The following SEMA5A variants were observed in gnomAD, a reference collection of about 807,000 sequenced individuals.
SEMA5A encodes semaphorin 5A, also known as semaphorin-5A.
Under a neutral mutation model 135.5 loss-of-function variants are expected in SEMA5A, and 55 were observed. The observed-to-expected ratio is 0.41, with a 90% CI of 0.33 to 0.51. SEMA5A has a LOEUF of 0.51. Ranked by LOEUF, SEMA5A falls within the 20% of genes least tolerant of loss-of-function variation. The pLI, the probability that SEMA5A is intolerant of heterozygous loss-of-function variation, is 0.37. For missense variants in SEMA5A, 1,290 were observed against 1,419.9 expected (o/e 0.91, Z 1.47); for synonymous variants, 580 against 546.5 (o/e 1.06, Z -0.85).
chr5:9,086,127 A>C (rs1391655142), intron 16 of SEMA5A, among the ~76,000 whole-genome samples: 1 of 152,224 alleles, frequency 6.6e-6, no homozygotes, highest in African/African-American at 2.4e-5. Context: ...TTACACCCTC[A>C]TAGGCAGAAG....
intron 5 of SEMA5A, among the ~76,000 whole-genome samples, chr5:9,287,144 G>A (rs1448830017): frequency 6.6e-6 from 1 of 152,166 alleles, no homozygotes; most frequent in African/African-American, 2.4e-5. Flanking sequence ...ATAGGCAAGT[G>A]TGCACTTGAG....
intron 2 of SEMA5A, among the ~76,000 whole-genome samples, chr5:9,437,547 G>T (rs2126671658): frequency 6.6e-6 from 1 of 152,072 alleles, no homozygotes; most frequent in Admixed American, 6.5e-5. Flanking sequence ...AGTAGAGATA[G>T]AATTTCACCA....
At chr5:9,443,970 C>G (rs114943705) in intron 1 of SEMA5A, among the ~76,000 whole-genome samples, 4 of 152,346 alleles carry the variant, frequency 2.6e-5, no homozygotes, top group African/African-American at 7.2e-5. Flanking sequence ...CCGCATACCC[C>G]ACCCCTTCTC....
intron 4 of SEMA5A, among the ~76,000 whole-genome samples, chr5:9,321,104 T>G (rs1752610458): frequency 6.6e-6 from 1 of 152,150 alleles, no homozygotes; most frequent in African/African-American, 2.4e-5. Context: ...TGAGATCTGA[T>G]GGTTTTATAA....
chr5:9,063,204 TA>T, intron 17 of SEMA5A, 99 bp from the exon 18 acceptor site: 5 of 1,179,454 alleles, frequency 4.2e-6, no homozygotes, highest in Non-Finnish European at 6.1e-6. Context: ...GCCTTATTTC[TA>T]GAACTACCCT....
chr5:9,401,059 A>G (rs1233855784), intron 2 of SEMA5A, among the ~76,000 whole-genome samples: 2 of 152,260 alleles, frequency 1.3e-5, no homozygotes, highest in Admixed American at 6.5e-5. Flanking sequence ...GACTAGGTAC[A>G]CATTTCTTCA....
chr5:9,154,056 AAAAAAAATATATAT>A lies in SEMA5A; in HGVS notation c.1481+418_1481+431del, dbSNP rs1287798055. Among the ~76,000 whole-genome samples the A allele has an allele frequency of 1.6e-4, 8 of 49,952 alleles. No homozygotes were observed. The East Asian group carries it at 3.1e-3, about 19-fold the overall frequency. 32.8% of individuals were successfully genotyped at this position (49,952 alleles called of 152,430 possible). ...GTGAGACTGTGTCTCAAAAAAAAAA[AAAAAAAATATATAT>A]ATATATATATATATATATATATATG... On this transcript the variant is annotated intron_variant, in intron 12 of 22. Coordinates refer to ENST00000382496, the MANE Select transcript of SEMA5A (RefSeq NM_003966.3).
chr5:9,175,873 G>A (rs1037929172), intron 11 of SEMA5A, among the ~76,000 whole-genome samples: 1 of 152,136 alleles, frequency 6.6e-6, no homozygotes, highest in Non-Finnish European at 1.5e-5. Context: ...GTTTTTGGGG[G>A]ATGAGAATAA....
chr5:9,258,412 T>C (rs1749200132), intron 5 of SEMA5A, among the ~76,000 whole-genome samples: 2 of 152,180 alleles, frequency 1.3e-5, no homozygotes, highest in South Asian at 4.1e-4. Flanking sequence ...TGTCTTTCAG[T>C]GAGGTGGCAA....
chr5:9,459,340 A>G lies in SEMA5A; in HGVS notation c.-174-21488T>C, dbSNP rs7718137. On this transcript the variant is annotated intron_variant, in intron 1 of 22. Coordinates refer to ENST00000382496, the MANE Select transcript of SEMA5A (RefSeq NM_003966.3). ...AATATATATGCATGATTAGGTCGTT[A>G]TATTATATAAAATTGCAGCACCCAT... Among the ~76,000 whole-genome samples, 1,095 of 152,330 alleles carry G rather than the reference A, an allele frequency of 7.2e-3. 11 individuals carry two copies. Among genetic ancestry groups the G allele is most frequent in the African/African-American group, 0.025 (1,038 of 41,572 alleles).
chr5:9,271,584 G>A (rs1346588464), intron 5 of SEMA5A, among the ~76,000 whole-genome samples: 1 of 152,118 alleles, frequency 6.6e-6, no homozygotes, highest in African/African-American at 2.4e-5. Flanking sequence ...ACAAAGAAGG[G>A]GACTGCTGGC....
intron 12 of SEMA5A, 56 bp from the exon 13 acceptor site, chr5:9,136,677 C>T (rs1215407654): frequency 2.1e-6 from 3 of 1,445,408 alleles, no homozygotes; most frequent in African/African-American, 1.4e-5. Context: ...TGATAAGATA[C>T]ACAAGACAAG....
chr5:9,087,638 AACAC>A (rs765664884), intron 16 of SEMA5A, among the ~76,000 whole-genome samples: 1 of 151,690 alleles, frequency 6.6e-6, no homozygotes, highest in Non-Finnish European at 1.5e-5. Context: ...TATCACTATA[AACAC>A]ACACACACAC....
intron 2 of SEMA5A, among the ~76,000 whole-genome samples, chr5:9,410,814 T>C (rs1757077569): frequency 6.6e-6 from 1 of 151,200 alleles, no homozygotes; most frequent in South Asian, 2.1e-4. Context: ...TCTGAATATG[T>C]ACCCCACTTT....
chr5:9,110,736 C>T (rs957807619), intron 15 of SEMA5A, among the ~76,000 whole-genome samples: 11 of 152,238 alleles, frequency 7.2e-5, no homozygotes, highest in African/African-American at 2.6e-4. Context: ...CACATTTGAG[C>T]GTAGCCAATG....
At chr5:9,315,875 G>A (rs1224413310) in intron 5 of SEMA5A, among the ~76,000 whole-genome samples, 1 of 152,026 alleles carries the variant, frequency 6.6e-6, no homozygotes, top group African/African-American at 2.4e-5. Context: ...TAATTAATAA[G>A]TATCATATAG....
rs138190852 is a variant in SEMA5A at position 9,484,753 on chromosome 5, G to A, written c.-174-46901C>T. ...CAGTTGAACTAGGATTTCATTGAAT[G>A]TAGTCCTCAGGGTGGATGGTATTGA... On this transcript the variant is annotated intron_variant, in intron 1 of 22. Coordinates refer to ENST00000382496, the MANE Select transcript of SEMA5A (RefSeq NM_003966.3). 2.6e-3 allele frequency among the ~76,000 whole-genome samples: 399 copies of A among 152,276 alleles called. 1 individual carries two copies. The highest frequency in any genetic ancestry group is 8.9e-3 in the African/African-American group (368 of 41,570).
intron 2 of SEMA5A, among the ~76,000 whole-genome samples, chr5:9,404,269 T>C (rs1756788902): frequency 6.6e-6 from 1 of 152,064 alleles, no homozygotes; most frequent in Non-Finnish European, 1.5e-5. Flanking sequence ...ATATGATTTC[T>C]CTGTTCATTT....
chr5:9,277,264 GAT>G (rs1172914702), intron 5 of SEMA5A, among the ~76,000 whole-genome samples: 1 of 152,186 alleles, frequency 6.6e-6, no homozygotes, highest in Non-Finnish European at 1.5e-5. Context: ...ACCACAATGA[GAT>G]AACATGTCAT....
Sources: allele counts gnomAD v4.1 joint callset (sites outside exome capture counted in the v4.1 genomes callset), GRCh38; gene constraint gnomAD v4.1.1; transcripts MANE v1.5; gene names NCBI Gene and HGNC (gene_info 2026-07-23, HGNC 2026-07-21).